CHRM3: variants seen among roughly 807,000 people sequenced by gnomAD.
CHRM3 encodes cholinergic receptor muscarinic 3, also known as muscarinic acetylcholine receptor M3.
A neutral mutation model predicts 41.8 loss-of-function variants in CHRM3; 11 were observed. The observed-to-expected ratio is 0.26, with a 90% CI of 0.17 to 0.44. The LOEUF is 0.44. CHRM3 is among the 20% of genes least tolerant of loss of function. The pLI is 1.00. For missense variants in CHRM3, 571 were observed against 745.4 expected, an observed-to-expected ratio of 0.77 and a Z score of 2.72; for synonymous variants, 297 against 301.4, an observed-to-expected ratio of 0.99 and a Z score of 0.15.
chr1:239,694,362 G>A (rs973474881), intron 5 of CHRM3, among the ~76,000 whole-genome samples: 1 of 152,162 alleles, frequency 6.6e-6, no homozygotes, highest in Non-Finnish European at 1.5e-5. Flanking sequence ...AGGTTCTAGG[G>A]AGCTCATCCA....
At chr1:239,835,069 G>A (rs1403899279) in intron 6 of CHRM3, among the ~76,000 whole-genome samples, 2 of 152,174 alleles carry the variant, frequency 1.3e-5, no homozygotes, top group Non-Finnish European at 2.9e-5. Context: ...CAGGTAATGG[G>A]GCTGTAAGTC....
intron 3 of CHRM3, among the ~76,000 whole-genome samples, chr1:239,600,553 TAAAGA>T (rs1231276139): frequency 2.0e-5 from 3 of 152,080 alleles, no homozygotes; most frequent in Non-Finnish European, 4.4e-5. Flanking sequence ...TGTTTTAACT[TAAAGA>T]AAAGAAGGGT....
chr1:239,495,005 A>T (rs1667790933), intron 2 of CHRM3, among the ~76,000 whole-genome samples: 1 of 152,072 alleles, frequency 6.6e-6, no homozygotes, highest in African/African-American at 2.4e-5. Context: ...CTTCCTTTCC[A>T]GTCATCCTTG....
chr1:239,820,005 G>A (rs1045943601), intron 5 of CHRM3, among the ~76,000 whole-genome samples: 1 of 152,088 alleles, frequency 6.6e-6, no homozygotes, highest in African/African-American at 2.4e-5. Flanking sequence ...AGGTGGGTGA[G>A]GTCACACCCT....
chr1:239,844,159 A>G (rs1674073524), intron 6 of CHRM3, among the ~76,000 whole-genome samples: 1 of 152,162 alleles, frequency 6.6e-6, no homozygotes, highest in African/African-American at 2.4e-5. Flanking sequence ...TGCTTCCTAT[A>G]GTTCTCTTGA....
chr1:239,840,032 C>G (rs967264181), intron 6 of CHRM3, among the ~76,000 whole-genome samples: 1 of 152,142 alleles, frequency 6.6e-6, no homozygotes, highest in South Asian at 2.1e-4. Context: ...TGATAATGCA[C>G]GCATACACTT....
chr1:239,790,197 T>G, intron 5 of CHRM3, among the ~76,000 whole-genome samples: 1 of 152,188 alleles, frequency 6.6e-6, no homozygotes, highest in East Asian at 1.9e-4. Context: ...ACTTTCGGGT[T>G]AATGCAGAAA....
chr1:239,621,054 G>A lies in CHRM3; in HGVS notation c.-312-11170G>A, dbSNP rs4393143. Among the ~76,000 whole-genome samples the A allele has an allele frequency of 5.5e-3, 831 of 152,160 alleles. 8 individuals are homozygous for A. Among genetic ancestry groups the A allele is most frequent in the African/African-American group, 0.019 (790 of 41,526 alleles). On this transcript the variant is annotated intron_variant, in intron 3 of 6. Transcript: ENST00000676153. ...TTTTCCAACCCCAAGTGCTCACTTT[G>A]TGTCTGTGTCACATTTTGGTAATTC...
intron 5 of CHRM3, among the ~76,000 whole-genome samples, chr1:239,785,342 G>A (rs148994058): frequency 6.9e-4 from 105 of 152,274 alleles, no homozygotes; most frequent in East Asian, 1.4e-3. Context: ...TATTAAACCC[G>A]GTTATGTGAC....
intron 3 of CHRM3, among the ~76,000 whole-genome samples, chr1:239,577,335 A>C: frequency 6.6e-6 from 1 of 152,248 alleles, no homozygotes; most frequent in Non-Finnish European, 1.5e-5. Context: ...AATAAAAAAT[A>C]TTTTTGTAAT....
intron 3 of CHRM3, among the ~76,000 whole-genome samples, chr1:239,570,921 C>T (rs1369479288): frequency 6.6e-6 from 1 of 152,106 alleles, no homozygotes; most frequent in Non-Finnish European, 1.5e-5. Context: ...TAAACACAAA[C>T]TCCATCTTCA....
intron 5 of CHRM3, among the ~76,000 whole-genome samples, chr1:239,735,163 C>T (rs1664292960): frequency 6.6e-6 from 1 of 152,122 alleles, no homozygotes; most frequent in Non-Finnish European, 1.5e-5. Context: ...TAATGCCAGC[C>T]TCATGGAGAT....
intron 5 of CHRM3, chr1:239,720,164 C>G (rs1056088996): frequency 6.6e-6 from 1 of 151,968 alleles, no homozygotes; most frequent in Non-Finnish European, 1.5e-5. Flanking sequence ...AGGATTTACA[C>G]GCTGCGTTTG....
At chr1:239,490,100 G>A (rs1667461778) in intron 1 of CHRM3, among the ~76,000 whole-genome samples, 1 of 152,140 alleles carries the variant, frequency 6.6e-6, no homozygotes, top group Non-Finnish European at 1.5e-5. Context: ...AACAAATGTT[G>A]CATACTATTT....
At chr1:239,430,308 G>A (rs1344792814) in intron 1 of CHRM3, among the ~76,000 whole-genome samples, 2 of 152,008 alleles carry the variant, frequency 1.3e-5, no homozygotes, top group Admixed American at 1.3e-4. Context: ...ATAAAAATAG[G>A]TGAAATATCG....
At chr1:239,678,555 GTTCTGAAAATAATAAGA>G (rs1658232132) in intron 5 of CHRM3, among the ~76,000 whole-genome samples, 1 of 152,110 alleles carries the variant, frequency 6.6e-6, no homozygotes, top group South Asian at 2.1e-4. Flanking sequence ...CACTTATATG[GTTCTGAAAATAATAAGA>G]ATTATCCAGA....
At position 239,634,928 on chromosome 1, in the gene CHRM3, A is replaced by G. The variant is rs1343729013; in HGVS notation, c.-250+2642A>G. Among the ~76,000 whole-genome samples the G allele has an allele frequency of 2.6e-5, 4 of 152,304 alleles. No individual in the cohort carries two copies. In the East Asian group the frequency reaches 7.7e-4, roughly 29 times the overall value. On this transcript the variant is annotated intron_variant, in intron 4 of 6. Transcript: ENST00000676153. The stretch of plus-strand genomic sequence containing the variant: ...TGCTTATTTGTAAATTGAAGGTATA[A>G]GTTATTCTGATATGCTGTTAGTACA...
chr1:239,403,284 G>C (rs964082673), intron 1 of CHRM3, among the ~76,000 whole-genome samples: 1 of 152,130 alleles, frequency 6.6e-6, no homozygotes, highest in Non-Finnish European at 1.5e-5. Flanking sequence ...TTTATTCACT[G>C]ATCTATCCCA....
intron 1 of CHRM3, among the ~76,000 whole-genome samples, chr1:239,460,651 C>T (rs546025999): frequency 1.3e-5 from 2 of 151,986 alleles, no homozygotes; most frequent in African/African-American, 4.8e-5. Context: ...TTCAAAATGA[C>T]ATAAAGTACA....
Sources: gnomAD v4.1 joint callset for allele counts (sites outside exome capture counted in the v4.1 genomes callset) on GRCh38, gnomAD v4.1.1 for gene constraint, MANE v1.5 for transcripts, NCBI Gene and HGNC (gene_info 2026-07-23, HGNC 2026-07-21) for gene names.